The following LRMDA variants were observed in gnomAD, a reference collection of about 807,000 sequenced individuals.
LRMDA encodes the protein leucine rich melanocyte differentiation associated.
Under a neutral mutation model 29.8 loss-of-function variants are expected in LRMDA, and 18 were observed. The observed-to-expected ratio is 0.60, with a 90% CI of 0.42 to 0.90. The LOEUF (loss-of-function observed/expected upper bound fraction) is 0.90. LRMDA is among the 40% of genes least tolerant of loss of function. The pLI, the probability that LRMDA is intolerant of heterozygous loss-of-function variation, is 0.00. For synonymous variants in LRMDA, 125 were observed against 109.4 expected (o/e 1.14, Z -0.89); for missense variants, 273 against 273.9 (o/e 1.00, Z 0.02).
At chr10:75,703,806 T>C (rs1842335937) in intron 2 of LRMDA, among the ~76,000 whole-genome samples, 1 of 152,246 alleles carries the variant, frequency 6.6e-6, no homozygotes, top group Non-Finnish European at 1.5e-5. Flanking sequence ...AATAGGGCCA[T>C]GAAATATTTA....
chr10:75,835,250 C>G (rs1204215345), intron 2 of LRMDA, among the ~76,000 whole-genome samples: 1 of 152,178 alleles, frequency 6.6e-6, no homozygotes, highest in East Asian at 1.9e-4. Context: ...ATTCCAGTGT[C>G]TAGCAACCAC....
At chr10:76,041,826 C>T (rs181675129) in intron 3 of LRMDA, among the ~76,000 whole-genome samples, 5 of 152,266 alleles carry the variant, frequency 3.3e-5, no homozygotes, top group Non-Finnish European at 7.4e-5. Context: ...GCTAAGTACC[C>T]CGGAGAAGAC....
chr10:76,056,820 C>G (rs1482397359), intron 4 of LRMDA, among the ~76,000 whole-genome samples: 2 of 152,196 alleles, frequency 1.3e-5, no homozygotes, highest in Non-Finnish European at 2.9e-5. Flanking sequence ...TCTGCAGCTG[C>G]AGCTGGGCAG....
chr10:76,220,876 A>C (rs1320102678), intron 5 of LRMDA, among the ~76,000 whole-genome samples: 1 of 152,170 alleles, frequency 6.6e-6, no homozygotes, highest in Non-Finnish European at 1.5e-5. Context: ...TCCTCAATAA[A>C]ATACTGGCAA....
rs561902152 is a variant in LRMDA, at chr10:75,936,262, G to A, written c.132-99746G>A. 6.9e-4 allele frequency among the ~76,000 whole-genome samples: 105 copies of A among 152,248 alleles called. 2 individuals carry two copies. The South Asian group carries it at 0.02, about 29-fold the overall frequency. ...GAGGGAGGTGACCTGGGAAGGTGTG[G>A]AGGAATCCTCAGACCTGGGTCATTG... is the stretch of plus-strand genomic sequence containing the variant. On this transcript the variant is annotated intron_variant, in intron 2 of 6. Transcript: ENST00000611255.
At chr10:76,309,735 G>A (rs190778719) in intron 5 of LRMDA, among the ~76,000 whole-genome samples, 9 of 152,276 alleles carry the variant, frequency 5.9e-5, no homozygotes, top group Admixed American at 4.6e-4. Flanking sequence ...CCAAGGTCCT[G>A]TACAAAACTT....
At chr10:76,545,163 T>C (rs1351724053) in intron 6 of LRMDA, among the ~76,000 whole-genome samples, 1 of 114,172 alleles carries the variant, frequency 8.8e-6, no homozygotes, top group African/African-American at 3.4e-5. Flanking sequence ...AGGTTTCTTT[T>C]TTTTTGTTTT....
chr10:76,195,980 A>G (rs1851324955), intron 5 of LRMDA, among the ~76,000 whole-genome samples: 1 of 152,186 alleles, frequency 6.6e-6, no homozygotes, highest in Non-Finnish European at 1.5e-5. Context: ...ACAAAACACC[A>G]TTTAAATTGG....
chr10:76,014,322 C>G (rs1335286225), intron 2 of LRMDA, among the ~76,000 whole-genome samples: 1 of 151,742 alleles, frequency 6.6e-6, no homozygotes, highest in South Asian at 2.1e-4. Context: ...CCTGACCTTA[C>G]GGGGTTAAAC....
chr10:75,441,031 G>A (rs1447347212), intron 2 of LRMDA, among the ~76,000 whole-genome samples: 1 of 148,350 alleles, frequency 6.7e-6, no homozygotes, highest in Non-Finnish European at 1.5e-5. Context: ...GGGTGAAACT[G>A]TCTCAAAAAA....
intron 2 of LRMDA, among the ~76,000 whole-genome samples, chr10:75,969,449 A>G (rs1433437324): frequency 6.6e-6 from 1 of 152,216 alleles, no homozygotes; most frequent in African/African-American, 2.4e-5. Flanking sequence ...GCAAGGAGAC[A>G]GTTTCAGTCA....
At chr10:75,721,928 G>A (rs1293294285) in intron 2 of LRMDA, among the ~76,000 whole-genome samples, 2 of 152,118 alleles carry the variant, frequency 1.3e-5, no homozygotes, top group Non-Finnish European at 2.9e-5. Context: ...TAAAGAAGAC[G>A]TGGTTATGAC....
Position 75,863,267 on chromosome 10 carries a change from G to C in LRMDA, c.132-172741G>C, listed in dbSNP as rs78151450. Among the ~76,000 whole-genome samples the C allele has an allele frequency of 1.6e-3, 248 of 152,254 alleles. 2 individuals carry two copies. Among genetic ancestry groups the C allele is most frequent in the African/African-American group, 5.8e-3 (240 of 41,544 alleles). On this transcript the variant is annotated intron_variant, in intron 2 of 6. Transcript: ENST00000611255. ...GGGGAAGGCAAGTAGTTATTGATCG[G>C]AATTTACATGTTTACTGTTGTAATC...
chr10:76,488,967 T>A (rs999839451), intron 6 of LRMDA, among the ~76,000 whole-genome samples: 2 of 151,280 alleles, frequency 1.3e-5, no homozygotes, highest in Non-Finnish European at 2.9e-5. Context: ...TTTTGATGTG[T>A]CTTCATCTGG....
intron 5 of LRMDA, among the ~76,000 whole-genome samples, chr10:76,195,912 C>A (rs1851323819): frequency 6.6e-6 from 1 of 152,192 alleles, no homozygotes; most frequent in South Asian, 2.1e-4. Flanking sequence ...TTATTAAAGA[C>A]ACATGGAGAC....
At chr10:75,610,243 T>G (rs1298193077) in intron 2 of LRMDA, among the ~76,000 whole-genome samples, 1 of 152,178 alleles carries the variant, frequency 6.6e-6, no homozygotes, top group Non-Finnish European at 1.5e-5. Context: ...CACTTTTAAG[T>G]ATAGAAAATA....
chr10:76,338,750 A>T (rs528178853), intron 6 of LRMDA, among the ~76,000 whole-genome samples: 5 of 152,222 alleles, frequency 3.3e-5, no homozygotes, highest in Non-Finnish European at 5.9e-5. Context: ...CATGTAATAA[A>T]ATGACATAGA....
chr10:76,143,617 A>G (rs958776379), intron 5 of LRMDA, among the ~76,000 whole-genome samples: 1 of 152,068 alleles, frequency 6.6e-6, no homozygotes, highest in Non-Finnish European at 1.5e-5. Context: ...AGTAGGTTGC[A>G]AAAATTTTCT....
chr10:75,485,317 A>G (rs898253977), intron 2 of LRMDA, among the ~76,000 whole-genome samples: 9 of 152,138 alleles, frequency 5.9e-5, no homozygotes, highest in African/African-American at 2.2e-4. Context: ...TATTTTGACT[A>G]TACTTTCTGC....
Sources: allele counts gnomAD v4.1 joint callset (sites outside exome capture counted in the v4.1 genomes callset), GRCh38; gene constraint gnomAD v4.1.1; transcripts MANE v1.5; gene names NCBI Gene and HGNC (gene_info 2026-07-23, HGNC 2026-07-21).